The following SNTG2 variants were observed in gnomAD, a reference collection of about 807,000 sequenced individuals.
SNTG2 encodes the protein syntrophin gamma 2.
SNTG2 carries 74 observed loss-of-function variants against 70.9 expected under a neutral mutation model. The ratio of observed to expected loss-of-function variants is 1.04; its 90% confidence interval spans 0.86 to 1.27. The LOEUF (loss-of-function observed/expected upper bound fraction) is 1.27, where lower values mean the gene tolerates loss of function less well. SNTG2 is among the 50% of genes most tolerant of loss of function. SNTG2 has a pLI of 0.00. For missense variants in SNTG2, 717 were observed against 690.7 expected (o/e 1.04, Z -0.43); for synonymous variants, 278 against 273.8 (o/e 1.02, Z -0.15).
chr2:1,008,705 AATAC>A (rs1274301470), intron 1 of SNTG2, among the ~76,000 whole-genome samples: 1 of 152,238 alleles, frequency 6.6e-6, no homozygotes, highest in Non-Finnish European at 1.5e-5. Flanking sequence ...TTTAGAAAAA[AATAC>A]AGTAATGTAA....
In SNTG2 at chr2:1,262,724, C is replaced by CCAGACGAGGCAACCGGAAGGCTCCGTG. The variant is rs1558610952; in HGVS notation, c.1077+3298_1077+3324dup. ...AGACGAGGCAACCGGAAGGCTCCGT[C>CCAGACGAGGCAACCGGAAGGCTCCGTG]CAGACGAGGCAACCGGAAGGCTCCG... On this transcript the variant is annotated intron_variant, in intron 13 of 16. Coordinates refer to ENST00000308624, the MANE Select transcript of SNTG2 (RefSeq NM_018968.4). The CCAGACGAGGCAACCGGAAGGCTCCGTG allele has an allele frequency of 2.7e-4, 16 of 59,864 alleles. No individual in the cohort carries two copies. In the East Asian group the frequency reaches 6.6e-3, roughly 25 times the overall value. The allele number at this position is 59,864 out of a possible 1,614,324, so 3.7% of individuals were successfully genotyped here.
At chr2:951,792 C>T (rs1299871290) in intron 1 of SNTG2, among the ~76,000 whole-genome samples, 1 of 152,184 alleles carries the variant, frequency 6.6e-6, no homozygotes, top group Non-Finnish European at 1.5e-5. Flanking sequence ...TTTAAGGGAG[C>T]ACGTGGCCAC....
intron 1 of SNTG2, among the ~76,000 whole-genome samples, chr2:1,077,563 A>G (rs537193940): frequency 6.6e-6 from 1 of 152,236 alleles, no homozygotes; most frequent in South Asian, 2.1e-4. Context: ...TGCGGCACGC[A>G]TTTAGTTTCG....
At chr2:1,231,831 C>T (rs1287269964) in intron 9 of SNTG2, among the ~76,000 whole-genome samples, 2 of 152,136 alleles carry the variant, frequency 1.3e-5, no homozygotes, top group East Asian at 3.9e-4. Context: ...AAAGCAAACA[C>T]TCACGTGTGC....
At chr2:1,323,572 G>A (rs1473211043) in intron 16 of SNTG2, among the ~76,000 whole-genome samples, 1 of 145,456 alleles carries the variant, frequency 6.9e-6, no homozygotes, top group African/African-American at 2.5e-5. Flanking sequence ...ACTGGGACAA[G>A]ACTAACAGTC....
chr2:1,176,794 C>T (rs1671509658), intron 8 of SNTG2, among the ~76,000 whole-genome samples: 1 of 152,016 alleles, frequency 6.6e-6, no homozygotes, highest in South Asian at 2.1e-4. Flanking sequence ...AATGAGATAC[C>T]ATCTCAGGCC....
intron 1 of SNTG2, among the ~76,000 whole-genome samples, chr2:1,082,141 G>C (rs1278178052): frequency 1.3e-5 from 2 of 152,184 alleles, no homozygotes; most frequent in African/African-American, 2.4e-5. Flanking sequence ...TGGTTCCCAT[G>C]AGTGCTGAGG....
intron 16 of SNTG2, among the ~76,000 whole-genome samples, chr2:1,342,007 A>T (rs184475948): frequency 5.3e-5 from 8 of 152,158 alleles, no homozygotes; most frequent in Admixed American, 4.6e-4. Context: ...CACCTCACCC[A>T]GCCTGTTTTA....
intron 8 of SNTG2, among the ~76,000 whole-genome samples, chr2:1,199,779 GA>G (rs1169902096): frequency 1.3e-5 from 2 of 151,648 alleles, no homozygotes; most frequent in African/African-American, 4.8e-5. Context: ...CAATAGCTAT[GA>G]AAAAATATTT....
At chr2:1,017,585 A>T (rs980469368) in intron 1 of SNTG2, among the ~76,000 whole-genome samples, 7 of 152,328 alleles carry the variant, frequency 4.6e-5, no homozygotes, top group African/African-American at 1.7e-4. Flanking sequence ...ACACACATGT[A>T]TGTACATGTA....
chr2:1,048,365 C>A (rs572987274), intron 1 of SNTG2, among the ~76,000 whole-genome samples: 8 of 152,258 alleles, frequency 5.3e-5, no homozygotes, highest in African/African-American at 1.7e-4. Flanking sequence ...CACTACCAGT[C>A]AAGAGTGAAT....
At chr2:1,042,874 G>T (rs1041659365) in intron 1 of SNTG2, among the ~76,000 whole-genome samples, 2 of 152,162 alleles carry the variant, frequency 1.3e-5, no homozygotes, top group Admixed American at 6.5e-5. Context: ...GCATTCCCTT[G>T]TGTATATACC....
intron 1 of SNTG2, among the ~76,000 whole-genome samples, chr2:1,040,297 C>G (rs1197967476): frequency 1.3e-5 from 2 of 152,198 alleles, no homozygotes; most frequent in African/African-American, 2.4e-5. Flanking sequence ...CCAGGCCATT[C>G]CACTGGGGAC....
At position 1,141,306 on chromosome 2, in the gene SNTG2, A is replaced by G. The variant is rs150684522; in HGVS notation, c.411+3497A>G. The stretch of plus-strand genomic sequence containing the variant: ...GTAAGCAAGGCCTTTTTCCTCAAGA[A>G]TGAGTACGTTCTGGCTTCGGTGCCG... On this transcript the variant is annotated intron_variant, in intron 6 of 16. Transcript: ENST00000308624. Among the ~76,000 whole-genome samples the G allele has an allele frequency of 1.4e-3, 213 of 152,344 alleles. 3 individuals carry two copies. The highest frequency in any genetic ancestry group is 4.8e-3 in the African/African-American group (200 of 41,576).
intron 16 of SNTG2, among the ~76,000 whole-genome samples, chr2:1,360,529 A>G (rs1445531246): frequency 1.3e-5 from 2 of 152,140 alleles, no homozygotes; most frequent in Non-Finnish European, 2.9e-5. Flanking sequence ...CTCTTTGTGC[A>G]CTGGCACCTG....
At chr2:1,243,652 C>G (rs28607008) in intron 11 of SNTG2, among the ~76,000 whole-genome samples, 1,624 of 152,270 alleles carry the variant, frequency 0.011, 23 homozygotes, top group African/African-American at 0.036. Context: ...AGATTAAGTT[C>G]CTGCACATCA....
At chr2:1,238,594 G>A (rs906011567) in intron 10 of SNTG2, among the ~76,000 whole-genome samples, 1 of 152,200 alleles carries the variant, frequency 6.6e-6, no homozygotes, top group Non-Finnish European at 1.5e-5. Context: ...GGGTGGGAAC[G>A]AAGACTTGAT....
At chr2:1,260,532 T>A (rs866070770) in intron 13 of SNTG2, among the ~76,000 whole-genome samples, 1 of 152,216 alleles carries the variant, frequency 6.6e-6, no homozygotes, top group African/African-American at 2.4e-5. Context: ...GATCAGAAAG[T>A]GAACATTTCT....
At chr2:1,006,751 C>T (rs377260903) in intron 1 of SNTG2, among the ~76,000 whole-genome samples, 3 of 152,018 alleles carry the variant, frequency 2.0e-5, no homozygotes, top group Non-Finnish European at 2.9e-5. Context: ...GAGGGCCAGG[C>T]GCGGTGGCTC....
Sources: allele counts gnomAD v4.1 joint callset (sites outside exome capture counted in the v4.1 genomes callset), GRCh38; gene constraint gnomAD v4.1.1; transcripts MANE v1.5; gene names NCBI Gene and HGNC (gene_info 2026-07-23, HGNC 2026-07-21).